ABCC10: variants seen among roughly 807,000 people sequenced by gnomAD.
The protein encoded by ABCC10 is ATP binding cassette subfamily C member 10, also known as ATP-binding cassette sub-family C member 10.
In ABCC10, 110 loss-of-function variants were observed where a neutral mutation model predicts 143.2. The ratio of observed to expected loss-of-function variants is 0.77; its 90% CI spans 0.66 to 0.90. The LOEUF (loss-of-function observed/expected upper bound fraction) is 0.90. ABCC10 is among the 40% of genes least tolerant of loss of function. The probability of loss-of-function intolerance (pLI) is 0.00; values close to 1 mark genes in which losing one functional copy is unlikely to be tolerated. For missense variants in ABCC10, 1,700 were observed against 1,900.5 expected, an observed-to-expected ratio of 0.89 and a Z score of 1.96; for synonymous variants, 805 against 846.7, an observed-to-expected ratio of 0.95 and a Z score of 0.85.
At position 43,447,935 on chromosome 6, in the gene ABCC10, C is replaced by G; in HGVS notation, c.3957C>G (p.Leu1319=). 6.2e-7 allele frequency: 1 copy of G among 1,612,810 alleles called. No individual in the cohort carries two copies. The highest frequency in any genetic ancestry group is 8.5e-7 in the Non-Finnish European group (1 of 1,179,970). ...CCAGCCAGCTGGAGCTGGCCCAGCT[C>G]AGGTCTGGGGGAGATGGACTTGGGA... The part of the protein sequence containing the change: ...VDTSQLELAQ[L]RSQLAIIPQE... The change falls in exon 18 of 22, where the codon CTC becomes CTG. Residue 1319 remains leucine (L), a splice_region_variant and synonymous_variant. Coordinates refer to ENST00000372530, the MANE Select transcript of ABCC10 (RefSeq NM_001198934.2).
intron 16 of ABCC10, 75 bp downstream of exon 16, chr6:43,446,521 A>C: frequency 6.7e-7 from 1 of 1,499,166 alleles, no homozygotes; most frequent in Non-Finnish European, 8.9e-7. Context: ...TCCCTGCACC[A>C]TCCCCCCAAC....
chr6:43,432,676 G>C lies in ABCC10; in HGVS notation c.696G>C (p.Leu232Phe). 6.2e-7 allele frequency: 1 copy of C among 1,614,020 alleles called. No individual in the cohort carries two copies. Among genetic ancestry groups the C allele is most frequent in the Non-Finnish European group, 8.5e-7 (1 of 1,180,010 alleles). ...TTTCCTATGCCTGGCTGGCACCCTT[G>C]CTGGCCCGTGGGGCCTGTGGAGAGC... is the stretch of plus-strand genomic sequence containing the variant. ...SRFSYAWLAP[L>F]LARGACGELR... The change falls in exon 3 of 22, where the codon TTG becomes TTC. Residue 232 changes from leucine to phenylalanine, a missense_variant. Physicochemically the swap from Leu to Phe is conservative, Grantham distance 22. Coordinates refer to ENST00000372530, the MANE Select transcript of ABCC10 (RefSeq NM_001198934.2).
In ABCC10 at chr6:43,432,369, C is replaced by T. The variant is rs1381981656; in HGVS notation, c.389C>T (p.Ser130Phe). ...TTGGCACATTCCCCTCATGGCCACT[C>T]CCGGGGTCCCTTGGCCTTGGCCCTG... ...WVLAHSPHGHSRGPLALALVA... is the reference protein window; with the variant it reads ...WVLAHSPHGHFRGPLALALVA... The change falls in exon 3 of 22, where the codon TCC (serine) becomes TTC (phenylalanine). Residue 130 changes from serine (S) to phenylalanine (F), a missense_variant. By Grantham distance (155) the Ser-to-Phe change is radical (BLOSUM62 -2). Transcript: ENST00000372530. 6 of 1,613,226 alleles carry T rather than the reference C, an allele frequency of 3.7e-6. No individual in the cohort carries two copies. Among genetic ancestry groups the T allele is most frequent in the East Asian group, 4.5e-5 (2 of 44,902 alleles).
intron 8 of ABCC10, among the ~76,000 whole-genome samples, chr6:43,440,420 T>C (rs946927921): frequency 6.6e-6 from 1 of 152,232 alleles, no homozygotes; most frequent in African/African-American, 2.4e-5. Context: ...TGTTCATCTC[T>C]TTCCTTAGTG....
chr6:43,427,822 G>C (rs2150784340), intron 1 of ABCC10, 65 bp downstream of exon 1: 2 of 860,270 alleles, frequency 2.3e-6, no homozygotes, highest in Non-Finnish European at 3.8e-6. Flanking sequence ...TTGGTACCGC[G>C]AGAATGGGCG....
chr6:43,448,079 G>A, intron 18 of ABCC10, 142 bp downstream of exon 18: 1 of 1,333,504 alleles, frequency 7.5e-7, no homozygotes. Context: ...GGATGAGCAG[G>A]CAAGGACAGC....
At position 43,447,305 on chromosome 6, in the gene ABCC10, T is replaced by A; in HGVS notation, c.3602T>A (p.Leu1201Gln). Residue 1201 changes from leucine (L) to glutamine (Q), a missense_variant, in exon 17 of 22, where the codon CTG (leucine) becomes CAG (glutamine). Physicochemically the swap from Leu to Gln is moderately radical, Grantham distance 113. Coordinates refer to ENST00000372530, the MANE Select transcript of ABCC10 (RefSeq NM_001198934.2). ...TCCCTGACGGGCCTGCTCTCGGGCC[T>A]GGTGAGCAGCTTCACACAGACAGAG... Reference protein sequence around the residue: ...ALSLTGLLSGLVSSFTQTEAM... With the variant: ...ALSLTGLLSGQVSSFTQTEAM... 1.2e-6 allele frequency: 2 copies of A among 1,613,718 alleles called. No homozygotes were observed. Among genetic ancestry groups the A allele is most frequent in the Non-Finnish European group, 1.7e-6 (2 of 1,179,992 alleles).
chr6:43,435,940 A>G (rs1481081678), intron 5 of ABCC10, 33 bp downstream of exon 5: 1 of 1,612,346 alleles, frequency 6.2e-7, no homozygotes, highest in Non-Finnish European at 8.5e-7. Flanking sequence ...AACCTGGCAC[A>G]GGGTGAGGAG....
intron 8 of ABCC10, among the ~76,000 whole-genome samples, chr6:43,439,862 G>A (rs1168792301): frequency 4.6e-5 from 7 of 152,102 alleles, no homozygotes; most frequent in African/African-American, 9.7e-5. Context: ...GATTACAGGC[G>A]TGAGCCACCG....
chr6:43,443,659 G>T lies in ABCC10; in HGVS notation c.2417-274G>T. On this transcript the variant is annotated intron_variant, in intron 10 of 21. Transcript: ENST00000372530. This position sits in a 1 kb window ranked among gnomAD's most constrained non-coding sequence, Gnocchi z 4.2. ...CAGAGTGGCAGGCATAGCTCTGGCG[G>T]TCCTCTTGGGGATGGACATTCGTCC... 2.3e-6 allele frequency: 1 copy of T among 435,894 alleles called. No individual in the cohort carries two copies. Among genetic ancestry groups the T allele is most frequent in the Non-Finnish European group, 4.2e-6 (1 of 238,094 alleles). 27.0% of individuals were successfully genotyped at this position (435,894 alleles called of 1,614,324 possible). A position where few individuals can be genotyped will look rare whatever the true frequency, so the allele number is the denominator to read the frequency against.
chr6:43,435,908 G>A lies in ABCC10; in HGVS notation c.1765+1G>A, dbSNP rs1162058715. The A allele has an allele frequency of 6.2e-7, 1 of 1,613,954 alleles. No homozygotes were observed. Among genetic ancestry groups the A allele is most frequent in the Non-Finnish European group, 8.5e-7 (1 of 1,180,002 alleles). On this transcript the variant is annotated splice_donor_variant, in intron 5 of 21. Transcript: ENST00000372530. LOFTEE classifies it high-confidence loss of function. ...AACCCCCAGGCCTACTACAGCCCAG[G>A]TAATGGGAAGCTAGTGGGCAGAACC...
intron 2 of ABCC10, among the ~76,000 whole-genome samples, chr6:43,428,671 G>A (rs1276552365): frequency 1.3e-5 from 2 of 152,200 alleles, no homozygotes. Flanking sequence ...GGGCTATAAG[G>A]TGTGGATGCT....
chr6:43,450,257 T>C lies in ABCC10; in HGVS notation c.*166T>C. 2 of 950,356 alleles carry C rather than the reference T, an allele frequency of 2.1e-6. No individual in the cohort carries two copies. Among genetic ancestry groups the C allele is most frequent in the South Asian group, 3.7e-5 (2 of 53,790 alleles). 58.9% of individuals were successfully genotyped at this position (950,356 alleles called of 1,614,324 possible). A position where few individuals can be genotyped will look rare whatever the true frequency, so the allele number is the denominator to read the frequency against. On this transcript the variant is annotated 3_prime_UTR_variant, in exon 22 of 22. Transcript: ENST00000372530. This position sits in a 1 kb window ranked among gnomAD's most constrained non-coding sequence, Gnocchi z 4.5. ...TTACTCTTTGGAAATCACTCCTTGGTGGGCAGCATCCTGAGGCTTCCCCAG... is the reference window on the plus strand; with the variant it reads ...TTACTCTTTGGAAATCACTCCTTGGCGGGCAGCATCCTGAGGCTTCCCCAG...
Position 43,438,797 on chromosome 6 carries a change from T to C in ABCC10, c.2127+2T>C. On this transcript the variant is annotated splice_donor_variant, in intron 8 of 21. Transcript: ENST00000372530. LOFTEE classifies it high-confidence loss of function. ...TGCGCCCTCAATGATGACCTCAGTGTGAGTGCCTGGCCTTGAAACCTCTTA... is the reference window on the plus strand; with the variant it reads ...TGCGCCCTCAATGATGACCTCAGTGCGAGTGCCTGGCCTTGAAACCTCTTA... 2.5e-6 allele frequency: 4 copies of C among 1,613,920 alleles called. No individual in the cohort carries two copies. Among genetic ancestry groups the C allele is most frequent in the Non-Finnish European group, 3.4e-6 (4 of 1,179,824 alleles).
chr6:43,449,368 C>A, intron 20 of ABCC10, 54 bp from the exon 21 acceptor site: 1 of 1,546,018 alleles, frequency 6.5e-7, no homozygotes, highest in Non-Finnish European at 8.9e-7. Context: ...CAGGCCCAAC[C>A]CACCCTGCAG....
rs1781254761 is a variant in ABCC10 at position 43,432,590 on chromosome 6, C to T, written c.610C>T (p.Leu204Phe). 3 of 1,613,812 alleles carry T rather than the reference C, an allele frequency of 1.9e-6. No homozygotes were observed. Among genetic ancestry groups the T allele is most frequent in the Non-Finnish European group, 2.5e-6 (3 of 1,180,012 alleles). Residue 204 changes from leucine to phenylalanine, a missense_variant, in exon 3 of 22, where the codon CTC (leucine) becomes TTC (phenylalanine). Leu to Phe is a conservative substitution (Grantham distance 22). Transcript: ENST00000372530. ...GPREPWAQEP[L>F]LPEDQEPEVA... ...ACGAGAACCCTGGGCTCAGGAGCCCCTCCTGCCCGAGGATCAAGAACCTGA... is the reference window on the plus strand; with the variant it reads ...ACGAGAACCCTGGGCTCAGGAGCCCTTCCTGCCCGAGGATCAAGAACCTGA...
chr6:43,441,712 T>A, intron 8 of ABCC10, 150 bp from the exon 9 acceptor site: 1 of 584,906 alleles, frequency 1.7e-6, no homozygotes, highest in South Asian at 2.1e-5. Context: ...AATTATGTCT[T>A]GTCTCCTCTG....
At chr6:43,435,017 AC>A (rs1385940937) in intron 4 of ABCC10, 169 bp downstream of exon 4, 2 of 643,488 alleles carry the variant, frequency 3.1e-6, no homozygotes, top group Non-Finnish European at 5.3e-6. Context: ...TGGATATATA[AC>A]CCTCCCCTCT....
At chr6:43,446,710 C>G in intron 16 of ABCC10, 1 of 1,313,516 alleles carries the variant, frequency 7.6e-7, no homozygotes, top group Non-Finnish European at 9.7e-7. Context: ...CACCCCGTCC[C>G]CACCACACTG....
Sources: allele counts gnomAD v4.1 joint callset (sites outside exome capture counted in the v4.1 genomes callset), GRCh38; gene constraint gnomAD v4.1.1; non-coding constraint Gnocchi (gnomAD v3.1); transcripts MANE v1.5; gene names NCBI Gene and HGNC (gene_info 2026-07-23, HGNC 2026-07-21).